OR2M2: variants seen among roughly 807,000 people sequenced by gnomAD.
OR2M2 encodes olfactory receptor family 2 subfamily M member 2, also known as olfactory receptor 2M2.
For missense variants in OR2M2, 467 were observed against 429.9 expected (o/e 1.09, Z -0.76); for synonymous variants, 168 against 151.7 (o/e 1.11, Z -0.79).
intron 1 of OR2M2, among the ~76,000 whole-genome samples, chr1:248,176,327 C>T (rs762891236): frequency 2.0e-4 from 30 of 151,898 alleles, no homozygotes; most frequent in African/African-American, 6.0e-4. Flanking sequence ...TTCTTCCAGA[C>T]GTGATAAGGT....
chr1:248,178,633 G>C (rs1165421272), intron 1 of OR2M2, among the ~76,000 whole-genome samples: 1 of 152,102 alleles, frequency 6.6e-6, no homozygotes, highest in African/African-American at 2.4e-5. Flanking sequence ...CACTAGATGT[G>C]TGAGATTTCC....
chr1:248,176,637 C>T (rs1665859831), intron 1 of OR2M2, among the ~76,000 whole-genome samples: 1 of 152,030 alleles, frequency 6.6e-6, no homozygotes, highest in South Asian at 2.1e-4. Flanking sequence ...CCTCCTACTA[C>T]AGTGCTGAAA....
chr1:248,179,040 T>C (rs904845507), intron 1 of OR2M2, among the ~76,000 whole-genome samples: 4 of 152,184 alleles, frequency 2.6e-5, no homozygotes, highest in Non-Finnish European at 5.9e-5. Context: ...GAAATCAAGA[T>C]GTCAGCAGTG....
rs1205466191 is a variant in OR2M2 at position 248,180,378 on chromosome 1, A to G, written c.393A>G (p.Arg131=). ...ATATTGCTATTTGCCACCCTCTAAGATATACCAATCTCATGAATCCTAAAA... is the reference window on the plus strand; with the variant it reads ...ATATTGCTATTTGCCACCCTCTAAGGTATACCAATCTCATGAATCCTAAAA... ...DRYIAICHPL[R]YTNLMNPKIC... is the part of the protein sequence containing the mutation. Residue 131 remains arginine (R), a synonymous_variant, in exon 2 of 2, where the codon AGA becomes AGG. Coordinates refer to ENST00000641836, the MANE Select transcript of OR2M2 (RefSeq NM_001004688.2). 3 of 1,614,056 alleles carry G rather than the reference A, an allele frequency of 1.9e-6. No individual in the cohort carries two copies. The highest frequency in any genetic ancestry group is 2.5e-6 in the Non-Finnish European group (3 of 1,180,010).
Position 248,180,150 on chromosome 1 carries a change from C to T in OR2M2, c.165C>T (p.Leu55=). ...MVLLIYLDTQ[L]HTPMYFLLSQ... Reference sequence around the variant, plus strand: ...TCCTCATCTACCTGGACACCCAGCTCCACACCCCCATGTACTTCCTCCTCA... The same window carrying T: ...TCCTCATCTACCTGGACACCCAGCTTCACACCCCCATGTACTTCCTCCTCA... The change falls in exon 2 of 2, where the codon CTC becomes CTT. Residue 55 remains leucine, a synonymous_variant. Transcript: ENST00000641836. The T allele has an allele frequency of 1.2e-6, 2 of 1,614,100 alleles. No individual in the cohort carries two copies. The highest frequency in any genetic ancestry group is 1.7e-6 in the Non-Finnish European group (2 of 1,180,018).
Position 248,180,081 on chromosome 1 carries a change from G to A in OR2M2, c.96G>A (p.Leu32=). Residue 32 remains leucine (L), a synonymous_variant, in exon 2 of 2, where the codon CTG becomes CTA. Transcript: ENST00000641836. The part of the protein sequence containing the change: ...PPHTFLFFLV[L]GIFLVAFMGN... The stretch of plus-strand genomic sequence containing the variant: ...ACACGTTCCTCTTCTTTCTGGTCCT[G>A]GGCATCTTTTTAGTGGCCTTCATGG... 1 of 1,613,954 alleles carries A rather than the reference G, an allele frequency of 6.2e-7. No individual in the cohort carries two copies. The highest frequency in any genetic ancestry group is 8.5e-7 in the Non-Finnish European group (1 of 1,179,952).
intron 1 of OR2M2, 42 bp from the exon 2 acceptor site, chr1:248,179,926 G>A: frequency 6.5e-7 from 1 of 1,540,162 alleles, no homozygotes; most frequent in South Asian, 1.3e-5. Context: ...AAGACACTGG[G>A]TAAATGTTTA....
chr1:248,178,439 A>G (rs1665879677), intron 1 of OR2M2, among the ~76,000 whole-genome samples: 1 of 152,196 alleles, frequency 6.6e-6, no homozygotes, highest in South Asian at 2.1e-4. Flanking sequence ...ACTAAATGCC[A>G]CAACATACAA....
In OR2M2 at chr1:248,179,985, C is replaced by G. The variant is rs190830713; in HGVS notation, c.-1C>G. The G allele has an allele frequency of 5.0e-4, 796 of 1,607,172 alleles. 1 individual carries two copies. Among genetic ancestry groups the G allele is most frequent in the Non-Finnish European group, 5.3e-4 (623 of 1,176,232 alleles). On this transcript the variant is annotated 5_prime_UTR_variant, in exon 2 of 2. The change creates a new upstream start codon in the 5' untranslated region. Coordinates refer to ENST00000641836, the MANE Select transcript of OR2M2 (RefSeq NM_001004688.2). ...GGTACTAGGTAAAAAGCACATTCAT[C>G]ATGGCATGGGAGAATCAGACCTTCA... is the stretch of plus-strand genomic sequence containing the variant.
At chr1:248,177,530 A>G (rs922303355) in intron 1 of OR2M2, among the ~76,000 whole-genome samples, 26 of 152,122 alleles carry the variant, frequency 1.7e-4, no homozygotes, top group Non-Finnish European at 3.5e-4. Flanking sequence ...AGTTGACAAG[A>G]TCAAGATAAC....
intron 1 of OR2M2, among the ~76,000 whole-genome samples, chr1:248,175,868 T>C (rs1031532159): frequency 6.6e-6 from 1 of 152,130 alleles, no homozygotes; most frequent in Non-Finnish European, 1.5e-5. Flanking sequence ...AGGTTTCTCA[T>C]AATAGGACTC....
chr1:248,180,469 GCCA>G lies in OR2M2; in HGVS notation c.486_488del (p.Thr163del). 1 of 1,613,864 alleles carries G rather than the reference GCCA, an allele frequency of 6.2e-7. No individual in the cohort carries two copies. The highest frequency in any genetic ancestry group is 1.1e-5 in the South Asian group (1 of 91,066). On this transcript the variant is annotated inframe_deletion, in exon 2 of 2. Coordinates refer to ENST00000641836, the MANE Select transcript of OR2M2 (RefSeq NM_001004688.2). ...TACAGATGGAATCATTGATGCTGTA[GCCA>G]CATTTTCCTTCTCCTTTTGTGGGTC...
chr1:248,179,241 T>A (rs770517358), intron 1 of OR2M2, among the ~76,000 whole-genome samples: 2 of 152,180 alleles, frequency 1.3e-5, no homozygotes, highest in African/African-American at 4.8e-5. Flanking sequence ...ACGTGAGTCA[T>A]ATTGCATTAG....
Position 248,180,069 on chromosome 1 carries a change from C to A in OR2M2, c.84C>A (p.Phe28Leu). ...ACAGCCCACCACACACGTTCCTCTT[C>A]TTTCTGGTCCTGGGCATCTTTTTAG... ...FNHSPPHTFL[F>L]FLVLGIFLVA... The change falls in exon 2 of 2, where the codon TTC (phenylalanine) becomes TTA (leucine). Residue 28 changes from phenylalanine (F) to leucine (L), a missense_variant. Coordinates refer to ENST00000641836, the MANE Select transcript of OR2M2 (RefSeq NM_001004688.2). 1.2e-6 allele frequency: 2 copies of A among 1,614,042 alleles called. No homozygotes were observed. The highest frequency in any genetic ancestry group is 1.7e-6 in the Non-Finnish European group (2 of 1,179,950).
Position 248,180,354 on chromosome 1 carries a change from T to C in OR2M2, c.369T>C (p.Tyr123=), listed in dbSNP as rs769987965. The C allele has an allele frequency of 5.0e-6, 8 of 1,614,048 alleles. No homozygotes were observed. The African/African-American group carries it at 9.3e-5, about 19-fold the overall frequency. Residue 123 remains tyrosine, a synonymous_variant, in exon 2 of 2, where the codon TAT becomes TAC. Transcript: ENST00000641836. ...TGGCTGTTATGGCTTATGACCGCTA[T>C]ATTGCTATTTGCCACCCTCTAAGAT... ...FLLAVMAYDR[Y]IAICHPLRYT...
chr1:248,176,968 A>T (rs1487554857), intron 1 of OR2M2, among the ~76,000 whole-genome samples: 2 of 152,238 alleles, frequency 1.3e-5, no homozygotes, highest in East Asian at 3.9e-4. Context: ...TTAACATAGA[A>T]GGTACAGGTG....
rs780488430 is a variant in OR2M2, at chr1:248,180,345, T to C, written c.360T>C (p.Tyr120=). The part of the protein sequence containing the change: ...SECFLLAVMA[Y]DRYIAICHPL... ...GTTTTCTTTTGGCTGTTATGGCTTA[T>C]GACCGCTATATTGCTATTTGCCACC... is the stretch of plus-strand genomic sequence containing the variant. The change falls in exon 2 of 2, where the codon TAT becomes TAC. Residue 120 remains tyrosine (Y), a synonymous_variant. Transcript: ENST00000641836. 1.2e-6 allele frequency: 2 copies of C among 1,614,182 alleles called. No homozygotes were observed. Among genetic ancestry groups the C allele is most frequent in the Non-Finnish European group, 8.5e-7 (1 of 1,180,018 alleles).
At chr1:248,178,506 T>C (rs1363063989) in intron 1 of OR2M2, among the ~76,000 whole-genome samples, 1 of 152,208 alleles carries the variant, frequency 6.6e-6, no homozygotes, top group Admixed American at 6.5e-5. Context: ...TCTATACATT[T>C]CTATTTTCTC....
intron 1 of OR2M2, among the ~76,000 whole-genome samples, chr1:248,178,672 G>T (rs9435889): frequency 6.6e-6 from 1 of 152,054 alleles, no homozygotes; most frequent in Non-Finnish European, 1.5e-5. Context: ...AGATGAACAT[G>T]CTCACACAAT....
Sources: allele counts gnomAD v4.1 joint callset (sites outside exome capture counted in the v4.1 genomes callset), GRCh38; gene constraint gnomAD v4.1.1; transcripts MANE v1.5; gene names NCBI Gene and HGNC (gene_info 2026-07-23, HGNC 2026-07-21).